Variants in ECD observed in about 807,000 individuals in gnomAD.
ECD encodes protein ecdysoneless homolog.
In ECD, 59 loss-of-function variants were observed where a neutral mutation model predicts 77.2. That is an observed-to-expected ratio of 0.76 (90% CI 0.62 to 0.95). The LOEUF (loss-of-function observed/expected upper bound fraction) is 0.95, where lower values mean the gene tolerates loss of function less well. ECD is among the 40% of genes least tolerant of loss of function. The pLI, the probability that ECD is intolerant of heterozygous loss-of-function variation, is 0.00. For synonymous variants in ECD, 233 were observed against 267.4 expected (o/e 0.87, Z 1.26); for missense variants, 704 against 763.4 (o/e 0.92, Z 0.92).
chr10:73,154,187 G>C, intron 6 of ECD, 69 bp downstream of exon 6: 1 of 1,456,946 alleles, frequency 6.9e-7, no homozygotes, highest in Non-Finnish European at 9.1e-7. Context: ...AATGTAAAAA[G>C]AAAAAAATAA....
intron 2 of ECD, among the ~76,000 whole-genome samples, chr10:73,163,100 T>C (rs1025426792): frequency 1.8e-4 from 28 of 152,206 alleles, no homozygotes; most frequent in African/African-American, 5.8e-4. Flanking sequence ...AAGATAGACC[T>C]GTCCGAGTCA....
At chr10:73,165,359 C>CTT (rs570064629) in intron 1 of ECD, among the ~76,000 whole-genome samples, 1 of 147,254 alleles carries the variant, frequency 6.8e-6, no homozygotes, top group African/African-American at 2.5e-5. Flanking sequence ...TTTTTCTTTT[C>CTT]TTTTTTTTTT....
At chr10:73,153,996 G>C (rs567445878) in intron 6 of ECD, among the ~76,000 whole-genome samples, 1 of 152,152 alleles carries the variant, frequency 6.6e-6, no homozygotes, top group South Asian at 2.1e-4. Flanking sequence ...GGATGCTCAA[G>C]TAGTAAGTTT....
chr10:73,140,510 C>T (rs1007899418), intron 9 of ECD, among the ~76,000 whole-genome samples: 1 of 151,236 alleles, frequency 6.6e-6, no homozygotes, highest in Non-Finnish European at 1.5e-5. Context: ...GGTGAAACCC[C>T]GTCTCTACTA....
In ECD at chr10:73,154,322, G is replaced by A; in HGVS notation, c.717C>T (p.Asp239=). 6.2e-7 allele frequency: 1 copy of A among 1,614,066 alleles called. No individual in the cohort carries two copies. The highest frequency in any genetic ancestry group is 8.5e-7 in the Non-Finnish European group (1 of 1,179,984). The part of the protein sequence containing the change: ...AAAVQAFYLR[D]PIDLRACRVF... ...CACGACAAGCTCGCAGGTCAATAGG[G>A]TCTCGTAGGTAAAATGCCTGGACTG... Residue 239 remains aspartate (D), a synonymous_variant, in exon 6 of 14, where the codon GAC becomes GAT. Transcript: ENST00000372979.
chr10:73,161,306 A>G (rs78377225), intron 2 of ECD, among the ~76,000 whole-genome samples: 15,906 of 152,086 alleles, frequency 0.1, 1,207 homozygotes, highest in East Asian at 0.3. Context: ...AGATTGACAA[A>G]CTATTAACTT....
In ECD at chr10:73,136,789, T is replaced by A. The variant is rs149666428; in HGVS notation, c.1619A>T (p.Asp540Val). The A allele has an allele frequency of 9.9e-4, 1,600 of 1,614,100 alleles. 5 individuals are homozygous for A. Among genetic ancestry groups the A allele is most frequent in the Middle Eastern group, 1.7e-3 (10 of 6,058 alleles). The part of the protein sequence containing the change: ...GEEASLKGTL[D>V]NLKSYMAQMD... ...CTGGGCCATGTATGACTTGAGATTA[T>A]CAAGTGTTCCTTTCAGGGAAGCCTC... is the stretch of plus-strand genomic sequence containing the variant. Residue 540 changes from aspartate (D) to valine (V), a missense_variant, in exon 13 of 14, where the codon GAT (aspartate) becomes GTT (valine). By Grantham distance (152) the Asp-to-Val change is radical. Transcript: ENST00000372979.
intron 9 of ECD, among the ~76,000 whole-genome samples, chr10:73,144,551 GC>G (rs1463755516): frequency 6.6e-6 from 1 of 152,136 alleles, no homozygotes; most frequent in East Asian, 1.9e-4. Flanking sequence ...GTAGCAGAGA[GC>G]GGGGGGAAAA....
At position 73,154,313 on chromosome 10, in the gene ECD, GTCAATAGGGTC is replaced by G; in HGVS notation, c.715_725del (p.Asp239ProfsTer13). The G allele has an allele frequency of 6.2e-7, 1 of 1,614,018 alleles. No homozygotes were observed. The highest frequency in any genetic ancestry group is 8.5e-7 in the Non-Finnish European group (1 of 1,179,972). On this transcript the variant is annotated frameshift_variant, in exon 6 of 14. Transcript: ENST00000372979. LOFTEE classifies it high-confidence loss of function. ...TCTTGAAAACACGACAAGCTCGCAG[GTCAATAGGGTC>G]TCGTAGGTAAAATGCCTGGACTGCT...
chr10:73,163,057 G>A (rs1413149094), intron 2 of ECD, among the ~76,000 whole-genome samples: 1 of 152,194 alleles, frequency 6.6e-6, no homozygotes, highest in East Asian at 1.9e-4. Context: ...GGAGTGTCTT[G>A]TCTGTAAGTC....
intron 11 of ECD, 97 bp from the exon 12 acceptor site, chr10:73,138,167 T>C (rs1843002520): frequency 3.2e-6 from 3 of 923,292 alleles, no homozygotes; most frequent in African/African-American, 1.8e-5. Flanking sequence ...CTACCAAAGA[T>C]AGAATTTCTA....
chr10:73,134,462 G>A lies in ECD; in HGVS notation c.*121C>T. 1 of 973,498 alleles carries A rather than the reference G, an allele frequency of 1.0e-6. No homozygotes were observed. The allele number at this position is 973,498 out of a possible 1,614,324, so 60.3% of individuals were successfully genotyped here. A position where few individuals can be genotyped will look rare whatever the true frequency, so the allele number is the denominator to read the frequency against. ...GGCCACATTTGGGGCTCATGGAGAA[G>A]TCAATCTGTAAAACTTGTAATGAAG... On this transcript the variant is annotated 3_prime_UTR_variant, in exon 14 of 14. Transcript: ENST00000372979.
At chr10:73,142,425 G>A (rs1843070203) in intron 9 of ECD, among the ~76,000 whole-genome samples, 1 of 151,816 alleles carries the variant, frequency 6.6e-6, no homozygotes, top group African/African-American at 2.4e-5. Flanking sequence ...CACAGGTCAG[G>A]AGATCGAGAC....
intron 9 of ECD, among the ~76,000 whole-genome samples, chr10:73,145,437 A>T (rs1158149774): frequency 1.2e-4 from 18 of 152,150 alleles, no homozygotes; most frequent in Admixed American, 5.9e-4. Context: ...CAGCTATTTT[A>T]AAAAAACCAC....
At chr10:73,146,954 C>T (rs1843138367) in intron 8 of ECD, among the ~76,000 whole-genome samples, 1 of 151,908 alleles carries the variant, frequency 6.6e-6, no homozygotes, top group Admixed American at 6.6e-5. Flanking sequence ...TAAGAATATA[C>T]TAGCTGGGCA....
intron 7 of ECD, among the ~76,000 whole-genome samples, chr10:73,149,011 G>A (rs1227296225): frequency 6.6e-6 from 1 of 152,046 alleles, no homozygotes; most frequent in Non-Finnish European, 1.5e-5. Context: ...CTCAATGGAC[G>A]CATACACACT....
At chr10:73,159,312 T>C (rs991457502) in intron 3 of ECD, among the ~76,000 whole-genome samples, 1 of 152,240 alleles carries the variant, frequency 6.6e-6, no homozygotes, top group Non-Finnish European at 1.5e-5. Context: ...CTTTGCTTCC[T>C]ATACAATTGT....
intron 3 of ECD, among the ~76,000 whole-genome samples, chr10:73,157,246 C>T (rs187016661): frequency 0.032 from 4,772 of 151,304 alleles, 252 homozygotes; most frequent in African/African-American, 0.11. Context: ...GACAGGGTTT[C>T]GCCATGTTGC....
At chr10:73,160,954 A>G (rs1161919809) in intron 2 of ECD, among the ~76,000 whole-genome samples, 3 of 152,216 alleles carry the variant, frequency 2.0e-5, no homozygotes, top group Non-Finnish European at 4.4e-5. Context: ...ATTTGGATGG[A>G]GCAGAAGTTT....
Sources: gnomAD v4.1 joint callset for allele counts (sites outside exome capture counted in the v4.1 genomes callset) on GRCh38, gnomAD v4.1.1 for gene constraint, MANE v1.5 for transcripts, NCBI Gene and HGNC (gene_info 2026-07-23, HGNC 2026-07-21) for gene names.